Variants in KCND2 observed in about 807,000 individuals in gnomAD.
KCND2 encodes potassium voltage-gated channel subfamily D member 2.
KCND2 carries 16 observed loss-of-function variants against 54.4 expected under a neutral mutation model. The observed-to-expected ratio is 0.29, with a 90% CI of 0.20 to 0.45. The LOEUF (loss-of-function observed/expected upper bound fraction) is 0.45. Ranked by LOEUF, KCND2 falls within the 20% of genes least tolerant of loss-of-function variation. The pLI is 1.00. For synonymous variants in KCND2, 317 were observed against 310.7 expected, an observed-to-expected ratio of 1.02 and a Z score of -0.21; for missense variants, 486 against 824.2, an observed-to-expected ratio of 0.59 and a Z score of 5.02.
At chr7:120,569,991 A>T (rs950464425) in intron 1 of KCND2, among the ~76,000 whole-genome samples, 2 of 152,036 alleles carry the variant, frequency 1.3e-5, no homozygotes, top group African/African-American at 4.8e-5. Flanking sequence ...ACACTGAAGC[A>T]CTCCAAGCAG....
At chr7:120,327,685 A>G (rs1045491548) in intron 1 of KCND2, among the ~76,000 whole-genome samples, 2 of 152,094 alleles carry the variant, frequency 1.3e-5, no homozygotes, top group Admixed American at 1.3e-4. Context: ...GAAAATATGC[A>G]AACTCAGATC....
chr7:120,369,560 A>C (rs1040902784), intron 1 of KCND2, among the ~76,000 whole-genome samples: 2 of 152,040 alleles, frequency 1.3e-5, no homozygotes, highest in African/African-American at 4.8e-5. Flanking sequence ...GACCTTCCTC[A>C]ATCCAGATGT....
At chr7:120,285,387 A>G (rs969449622) in intron 1 of KCND2, among the ~76,000 whole-genome samples, 4 of 151,596 alleles carry the variant, frequency 2.6e-5, no homozygotes, top group South Asian at 2.1e-4. Flanking sequence ...ATACTTTATT[A>G]TATCTGAATA....
chr7:120,713,886 T>C (rs1429928928), intron 1 of KCND2, among the ~76,000 whole-genome samples: 1 of 152,180 alleles, frequency 6.6e-6, no homozygotes, highest in Non-Finnish European at 1.5e-5. Flanking sequence ...TGGCTTAATT[T>C]TTCTGGAATA....
rs369644333 is a variant in KCND2 at position 120,654,124 on chromosome 7, G to A, written c.1116-78779G>A. ...TATTGTTTGATTACTGGGAAAGCAGGGGTGGCTGAAATCTCACGTGGTTCT... is the reference window on the plus strand; with the variant it reads ...TATTGTTTGATTACTGGGAAAGCAGAGGTGGCTGAAATCTCACGTGGTTCT... On this transcript the variant is annotated intron_variant, in intron 1 of 5. Coordinates refer to ENST00000331113, the MANE Select transcript of KCND2 (RefSeq NM_012281.3). 4.6e-5 allele frequency among the ~76,000 whole-genome samples: 7 copies of A among 152,208 alleles called. No homozygotes were observed. In the East Asian group the frequency reaches 7.7e-4, roughly 17 times the overall value.
intron 1 of KCND2, among the ~76,000 whole-genome samples, chr7:120,282,778 A>G (rs1163350542): frequency 6.6e-6 from 1 of 152,118 alleles, no homozygotes; most frequent in Admixed American, 6.6e-5. Context: ...GAAACCCAAA[A>G]TAACACCAGT....
At position 120,485,895 on chromosome 7, in the gene KCND2, G is replaced by C. The variant is rs188668037; in HGVS notation, c.1115+210148G>C. ...CAGTATCACTAACACCTGGAATACAGAAAGTGTTTGATAAATATTTTAAAT... is the reference window on the plus strand; with the variant it reads ...CAGTATCACTAACACCTGGAATACACAAAGTGTTTGATAAATATTTTAAAT... On this transcript the variant is annotated intron_variant, in intron 1 of 5. Coordinates refer to ENST00000331113, the MANE Select transcript of KCND2 (RefSeq NM_012281.3). Among the ~76,000 whole-genome samples the C allele has an allele frequency of 4.4e-3, 670 of 152,272 alleles. 21 individuals carry two copies. The highest frequency in any genetic ancestry group is 0.041 in the Admixed American group (628 of 15,284).
At chr7:120,421,913 G>A (rs1439389836) in intron 1 of KCND2, among the ~76,000 whole-genome samples, 1 of 152,122 alleles carries the variant, frequency 6.6e-6, no homozygotes, top group Non-Finnish European at 1.5e-5. Flanking sequence ...CACTTTTCAG[G>A]GAGCTGGGCA....
intron 1 of KCND2, among the ~76,000 whole-genome samples, chr7:120,463,096 A>G (rs1802306770): frequency 6.6e-6 from 1 of 152,116 alleles, no homozygotes; most frequent in African/African-American, 2.4e-5. Context: ...TGAAGGTAGC[A>G]TCTAACTTTC....
intron 1 of KCND2, among the ~76,000 whole-genome samples, chr7:120,618,009 A>G (rs1457539859): frequency 2.6e-5 from 4 of 151,998 alleles, no homozygotes; most frequent in Admixed American, 6.6e-5. Flanking sequence ...GAGCCTACTC[A>G]AACAGTGAGA....
chr7:120,369,086 T>C (rs1020420581), intron 1 of KCND2, among the ~76,000 whole-genome samples: 1 of 152,046 alleles, frequency 6.6e-6, no homozygotes, highest in South Asian at 2.1e-4. Flanking sequence ...CTTTGATAAA[T>C]GTACATGAGT....
intron 1 of KCND2, among the ~76,000 whole-genome samples, chr7:120,540,252 T>C (rs1184647263): frequency 1.3e-5 from 2 of 152,214 alleles, no homozygotes; most frequent in African/African-American, 4.8e-5. Flanking sequence ...AAGTGTTATA[T>C]AAAAAGTAAA....
At chr7:120,534,378 G>T in intron 1 of KCND2, among the ~76,000 whole-genome samples, 1 of 152,040 alleles carries the variant, frequency 6.6e-6, no homozygotes, top group East Asian at 1.9e-4. Flanking sequence ...CTAACCCGGT[G>T]TCAGTCTAAC....
intron 1 of KCND2, among the ~76,000 whole-genome samples, chr7:120,541,688 C>T (rs1168680781): frequency 6.6e-6 from 1 of 151,800 alleles, no homozygotes; most frequent in African/African-American, 2.4e-5. Context: ...CTGGAAGCAC[C>T]AGATAATCTG....
chr7:120,341,177 G>A (rs893013646), intron 1 of KCND2, among the ~76,000 whole-genome samples: 65 of 152,084 alleles, frequency 4.3e-4, no homozygotes, highest in African/African-American at 1.5e-3. Context: ...GGAAAAAGAA[G>A]CAAAGTCATG....
intron 1 of KCND2, among the ~76,000 whole-genome samples, chr7:120,725,479 G>A (rs968766238): frequency 1.3e-5 from 2 of 152,124 alleles, no homozygotes; most frequent in African/African-American, 4.8e-5. Context: ...GGAATAAGAT[G>A]CCCAAAATAC....
rs1801486125 is a variant in KCND2 at position 120,413,846 on chromosome 7, A to G, written c.1115+138099A>G. On this transcript the variant is annotated intron_variant, in intron 1 of 5. Transcript: ENST00000331113. ...TTTTTTTTTTCTATGGAAGGCTTAG[A>G]TGAATCAATGTTTCCGAGATGCTTT... Among the ~76,000 whole-genome samples, 3 of 151,892 alleles carry G rather than the reference A, an allele frequency of 2.0e-5. No individual in the cohort carries two copies. The South Asian group carries it at 6.2e-4, about 31-fold the overall frequency.
chr7:120,303,194 A>G (rs375920162), intron 1 of KCND2, among the ~76,000 whole-genome samples: 1 of 152,214 alleles, frequency 6.6e-6, no homozygotes, highest in Non-Finnish European at 1.5e-5. Context: ...ACAGAAAAGA[A>G]AGGTGAAATA....
At chr7:120,421,709 A>G (rs1346604689) in intron 1 of KCND2, among the ~76,000 whole-genome samples, 1 of 152,206 alleles carries the variant, frequency 6.6e-6, no homozygotes, top group African/African-American at 2.4e-5. Flanking sequence ...TTTATATAGT[A>G]TTCTCACTTT....
Sources: gnomAD v4.1 joint callset for allele counts (sites outside exome capture counted in the v4.1 genomes callset) on GRCh38, gnomAD v4.1.1 for gene constraint, MANE v1.5 for transcripts, NCBI Gene and HGNC (gene_info 2026-07-23, HGNC 2026-07-21) for gene names.